The following ZNF276 variants were observed in gnomAD, a reference collection of about 807,000 sequenced individuals.
The protein encoded by ZNF276 is centromere protein Z.
Under a neutral mutation model 63.9 loss-of-function variants are expected in ZNF276, and 59 were observed. That is an observed-to-expected ratio of 0.92 (90% CI 0.75 to 1.15). The LOEUF is 1.15. ZNF276 is among the 50% of genes most tolerant of loss of function. ZNF276 has a pLI of 0.00. For synonymous variants in ZNF276, 496 were observed against 348.4 expected, an observed-to-expected ratio of 1.42 and a Z score of -4.72; for missense variants, 1,084 against 843.8, an observed-to-expected ratio of 1.28 and a Z score of -3.53.
intron 9 of ZNF276, among the ~76,000 whole-genome samples, chr16:89,737,323 C>A (rs1439215577): frequency 6.6e-6 from 1 of 152,106 alleles, no homozygotes; most frequent in African/African-American, 2.4e-5. Flanking sequence ...AATTCAAGAC[C>A]AGCCTGGCCA....
At chr16:89,729,165 C>A in intron 5 of ZNF276, 70 bp from the exon 6 acceptor site, 3 of 1,267,080 alleles carry the variant, frequency 2.4e-6, no homozygotes, top group Non-Finnish European at 3.4e-6. Flanking sequence ...TATCTTTAGG[C>A]AGGAGGTCGT....
At chr16:89,727,567 T>G (rs532386383) in intron 5 of ZNF276, among the ~76,000 whole-genome samples, 1 of 152,266 alleles carries the variant, frequency 6.6e-6, no homozygotes, top group East Asian at 1.9e-4. Context: ...GGGACACGCC[T>G]CCTCTCGAGG....
chr16:89,728,591 A>G (rs1163671887), intron 5 of ZNF276, among the ~76,000 whole-genome samples: 6 of 151,820 alleles, frequency 4.0e-5, no homozygotes, highest in East Asian at 3.9e-4. Flanking sequence ...TTTAGCAGAG[A>G]CGGGGTTTCA....
chr16:89,723,659 C>T lies in ZNF276; in HGVS notation c.956C>T (p.Pro319Leu). ...QPPSDSDAVGPRSGFPPQPSL... is the reference protein window; with the variant it reads ...QPPSDSDAVGLRSGFPPQPSL... The stretch of plus-strand genomic sequence containing the variant: ...CCTTCGGACAGCGACGCGGTGGGGC[C>T]CAGGTCGGGCTTCCCACCTCAGCCA... Residue 319 changes from proline (P) to leucine (L), a missense_variant, in exon 4 of 11, where the codon CCC becomes CTC. By Grantham distance (98) the Pro-to-Leu change is moderately conservative. Coordinates refer to ENST00000443381, the MANE Select transcript of ZNF276 (RefSeq NM_001113525.2). 1 of 1,612,378 alleles carries T rather than the reference C, an allele frequency of 6.2e-7. No homozygotes were observed. Among genetic ancestry groups the T allele is most frequent in the Non-Finnish European group, 8.5e-7 (1 of 1,179,858 alleles).
Position 89,739,644 on chromosome 16 carries a change from T to C in ZNF276, c.*1398T>C, listed in dbSNP as rs1186497213. 1.1e-5 allele frequency: 16 copies of C among 1,507,700 alleles called. No homozygotes were observed. The highest frequency in any genetic ancestry group is 1.3e-5 in the Non-Finnish European group (14 of 1,110,038). 93.4% of individuals were successfully genotyped at this position (1,507,700 alleles called of 1,614,324 possible). A position where few individuals can be genotyped will look rare whatever the true frequency, so the allele number is the denominator to read the frequency against. On this transcript the variant is annotated 3_prime_UTR_variant, in exon 11 of 11. Coordinates refer to ENST00000443381, the MANE Select transcript of ZNF276 (RefSeq NM_001113525.2). ...CCCCTGGGGGTCGGGACGTGTACCCTGGGAGGCCTGGCTGTGGGGATAGTG... is the reference window on the plus strand; with the variant it reads ...CCCCTGGGGGTCGGGACGTGTACCCCGGGAGGCCTGGCTGTGGGGATAGTG...
chr16:89,731,597 T>C (rs1027045989), intron 6 of ZNF276: 5 of 152,296 alleles, frequency 3.3e-5, no homozygotes, highest in East Asian at 3.9e-4. Flanking sequence ...CAGGGTCTCA[T>C]GTTGTTGCCT....
rs1431773961 is a variant in ZNF276 at position 89,723,622 on chromosome 16, G to A, written c.919G>A (p.Val307Met). The change falls in exon 4 of 11, where the codon GTG becomes ATG. Residue 307 changes from valine (V) to methionine (M), a missense_variant. Physicochemically the swap from Val to Met is conservative, Grantham distance 21. Transcript: ENST00000443381. ...AETKTLPSTD[V>M]AQPPSDSDAV... ...GACCAAGACCCTGCCCAGCACGGAT[G>A]TGGCCCAGCCTCCTTCGGACAGCGA... The A allele has an allele frequency of 5.0e-6, 8 of 1,612,780 alleles. No homozygotes were observed. Among genetic ancestry groups the A allele is most frequent in the Non-Finnish European group, 6.8e-6 (8 of 1,180,020 alleles).
In ZNF276 at chr16:89,738,467, ATAAT is replaced by A. The variant is rs1312320780; in HGVS notation, c.*223_*226del. The A allele has an allele frequency of 1.4e-6, 2 of 1,459,048 alleles. No individual in the cohort carries two copies. Among genetic ancestry groups the A allele is most frequent in the Non-Finnish European group, 1.9e-6 (2 of 1,062,812 alleles). The allele number at this position is 1,459,048 out of a possible 1,614,324, so 90.4% of individuals were successfully genotyped here. The stretch of plus-strand genomic sequence containing the variant: ...TGACTCGGGGCCGGACAGTTCATAA[ATAAT>A]TGATTCCTTTCCCCACTAAAGCAGT... On this transcript the variant is annotated 3_prime_UTR_variant, in exon 11 of 11. Transcript: ENST00000443381.
chr16:89,722,549 C>T lies in ZNF276; in HGVS notation c.224C>T (p.Ala75Val), dbSNP rs577117352. 3.8e-4 allele frequency: 612 copies of T among 1,612,108 alleles called. 8 individuals carry two copies. The South Asian group carries it at 6.2e-3, about 16-fold the overall frequency. ...TGTGCAGGAGCAGGCCGGGCTCTCG[C>T]CATGGGTCACTGTCGCCTCTGCCAC... ...ADEAGAGRAL[A>V]MGHCRLCHGK... The change falls in exon 2 of 11, where the codon GCC becomes GTC. Residue 75 changes from alanine to valine, a missense_variant. Physicochemically the swap from Ala to Val is moderately conservative, Grantham distance 64 (BLOSUM62 0). Coordinates refer to ENST00000443381, the MANE Select transcript of ZNF276 (RefSeq NM_001113525.2).
chr16:89,727,466 T>G, intron 5 of ZNF276, 109 bp downstream of exon 5: 1 of 1,300,112 alleles, frequency 7.7e-7, no homozygotes, highest in Non-Finnish European at 1.1e-6. Flanking sequence ...AAATTTCTCC[T>G]TCAAAAACCA....
In ZNF276 at chr16:89,740,253, G is replaced by T; in HGVS notation, c.*2007G>T. On this transcript the variant is annotated 3_prime_UTR_variant, in exon 11 of 11. Transcript: ENST00000443381. ...TTTTACCTATAGAAGGTAATACTGG[G>T]CCTCTGGACAGAAGAGGCTCAGGTA... 1 of 719,084 alleles carries T rather than the reference G, an allele frequency of 1.4e-6. No homozygotes were observed. Among genetic ancestry groups the T allele is most frequent in the Non-Finnish European group, 2.5e-6 (1 of 399,940 alleles). 44.5% of individuals were successfully genotyped at this position (719,084 alleles called of 1,614,324 possible).
intron 4 of ZNF276, among the ~76,000 whole-genome samples, chr16:89,726,072 G>T (rs1372220079): frequency 5.3e-5 from 8 of 152,232 alleles, no homozygotes; most frequent in African/African-American, 1.9e-4. Context: ...CTCGAGTGCA[G>T]TGGCACAATC....
chr16:89,726,498 A>G (rs2151671777), intron 4 of ZNF276, among the ~76,000 whole-genome samples: 1 of 152,078 alleles, frequency 6.6e-6, no homozygotes, highest in Admixed American at 6.5e-5. Context: ...GCCCAGCTCA[A>G]TTTTTTGTAT....
chr16:89,723,743 A>G (rs1336711521), intron 4 of ZNF276, 34 bp downstream of exon 4: 3 of 1,586,250 alleles, frequency 1.9e-6, no homozygotes, highest in Admixed American at 3.4e-5. Context: ...CTAGACCAGG[A>G]TGTGTGCTCC....
Position 89,721,735 on chromosome 16 carries a change from G to A in ZNF276, c.95G>A (p.Gly32Asp). The change falls in exon 1 of 11, where the codon GGC (glycine) becomes GAC (aspartate). Residue 32 changes from glycine to aspartate, a missense_variant. By Grantham distance (94) the Gly-to-Asp change is moderately conservative. Coordinates refer to ENST00000443381, the MANE Select transcript of ZNF276 (RefSeq NM_001113525.2). ...GGCGGCGGCGTCAGCCGGACTCGGG[G>A]CCGCCCTTCCCTTAGCGGTGGGCCG... ...DGGGGVSRTRGRPSLSGGPRV... is the reference protein window; with the variant it reads ...DGGGGVSRTRDRPSLSGGPRV... 4.5e-6 allele frequency: 6 copies of A among 1,345,822 alleles called. No individual in the cohort carries two copies. The highest frequency in any genetic ancestry group is 5.7e-6 in the Non-Finnish European group (6 of 1,050,550). The allele number at this position is 1,345,822 out of a possible 1,614,324, so 83.4% of individuals were successfully genotyped here. A position where few individuals can be genotyped will look rare whatever the true frequency, so the allele number is the denominator to read the frequency against.
chr16:89,734,962 C>A (rs895977203), intron 9 of ZNF276, among the ~76,000 whole-genome samples: 3 of 152,106 alleles, frequency 2.0e-5, no homozygotes, highest in Non-Finnish European at 4.4e-5. Context: ...AGTTCAAGAC[C>A]AGCCTGGCCA....
intron 9 of ZNF276, among the ~76,000 whole-genome samples, chr16:89,736,670 C>T (rs925156811): frequency 1.3e-5 from 2 of 151,608 alleles, no homozygotes; most frequent in African/African-American, 4.8e-5. Context: ...TGGTGCACAC[C>T]TGTGGTCCCA....
chr16:89,722,933 G>A lies in ZNF276; in HGVS notation c.509+99G>A. On this transcript the variant is annotated intron_variant, in intron 2 of 10. Coordinates refer to ENST00000443381, the MANE Select transcript of ZNF276 (RefSeq NM_001113525.2). ...GGCGTGCCTCCGCGGGAGCCTCTGGGTGGGGGGAATGGGCCATGCCCGGGT... is the reference window on the plus strand; with the variant it reads ...GGCGTGCCTCCGCGGGAGCCTCTGGATGGGGGGAATGGGCCATGCCCGGGT... 4 of 1,557,702 alleles carry A rather than the reference G, an allele frequency of 2.6e-6. No homozygotes were observed. In the South Asian group the frequency reaches 3.6e-5, roughly 14 times the overall value.
In ZNF276 at chr16:89,721,940, C is replaced by T. The variant is rs1030408891; in HGVS notation, c.205+95C>T. ...ACGCCCGGAAGCCGGCGCGGCCTCT[C>T]CTCCACCCGGCCAAGGGCGTAGCGG... On this transcript the variant is annotated intron_variant, in intron 1 of 10. Coordinates refer to ENST00000443381, the MANE Select transcript of ZNF276 (RefSeq NM_001113525.2). 4 of 891,680 alleles carry T rather than the reference C, an allele frequency of 4.5e-6. No homozygotes were observed. In the Admixed American group the frequency reaches 1.4e-4, roughly 31 times the overall value. 55.2% of individuals were successfully genotyped at this position (891,680 alleles called of 1,614,324 possible).
Sources: allele counts gnomAD v4.1 joint callset (sites outside exome capture counted in the v4.1 genomes callset), GRCh38; gene constraint gnomAD v4.1.1; transcripts MANE v1.5; gene names NCBI Gene and HGNC (gene_info 2026-07-23, HGNC 2026-07-21).